SLC34A1: variants seen among roughly 807,000 people sequenced by gnomAD.
SLC34A1 encodes the protein sodium-dependent phosphate transport protein 2A.
A neutral mutation model predicts 51.4 loss-of-function variants in SLC34A1; 57 were observed. The observed-to-expected ratio is 1.11, with a 90% confidence interval of 0.90 to 1.38. The LOEUF (loss-of-function observed/expected upper bound fraction) is 1.38, where lower values mean the gene tolerates loss of function less well. SLC34A1 is among the 40% of genes most tolerant of loss of function. SLC34A1 has a pLI of 0.00. For missense variants in SLC34A1, 796 were observed against 835.6 expected, an observed-to-expected ratio of 0.95 and a Z score of 0.58; for synonymous variants, 368 against 358.0, an observed-to-expected ratio of 1.03 and a Z score of -0.32.
Position 177,393,462 on chromosome 5 carries a change from G to C in SLC34A1, c.937-232G>C, listed in dbSNP as rs113015801. On this transcript the variant is annotated intron_variant, in intron 8 of 12. Transcript: ENST00000324417. ...TGGATGTGGCCCCAGGGAGAGCTGG[G>C]CCAGTGGAGTGACAGGGCAGAACAC... Among the ~76,000 whole-genome samples the C allele has an allele frequency of 1.8e-3, 267 of 152,290 alleles. 1 individual carries two copies. Among genetic ancestry groups the C allele is most frequent in the African/African-American group, 6.3e-3 (262 of 41,544 alleles).
At chr5:177,385,918 TC>T (rs1402896337) in intron 2 of SLC34A1, 68 bp downstream of exon 2, 1 of 1,608,718 alleles carries the variant, frequency 6.2e-7, no homozygotes, top group Non-Finnish European at 8.5e-7. Context: ...TGAGGCCACT[TC>T]CCCCGCCTGT....
At position 177,385,848 on chromosome 5, in the gene SLC34A1, A is replaced by G; in HGVS notation, c.107A>G (p.Gln36Arg). 6.2e-7 allele frequency: 1 copy of G among 1,613,526 alleles called. No homozygotes were observed. The change falls in exon 2 of 13, where the codon CAG (glutamine) becomes CGG (arginine). Residue 36 changes from glutamine (Q) to arginine (R), a missense_variant and splice_region_variant. Transcript: ENST00000324417. ...GTAFAYVPSP[Q>R]VLHRIPGTSA... is the part of the protein sequence containing the mutation. ...GCCTTTGCCTACGTGCCCAGCCCTC[A>G]GGGTAAGTGCTGCTCCCACACCCTG...
At chr5:177,393,115 C>G (rs1762858216) in intron 8 of SLC34A1, among the ~76,000 whole-genome samples, 1 of 152,236 alleles carries the variant, frequency 6.6e-6, no homozygotes, top group Non-Finnish European at 1.5e-5. Context: ...GGTTACCGGC[C>G]CGGACCTGTG....
At chr5:177,397,749 G>A (rs1763017546) in intron 12 of SLC34A1, 34 bp from the exon 13 acceptor site, 1 of 1,602,326 alleles carries the variant, frequency 6.2e-7, no homozygotes, top group Non-Finnish European at 8.5e-7. Flanking sequence ...GGGAGCCAGT[G>A]CCCATCTCAG....
In SLC34A1 at chr5:177,386,592, A is replaced by G. The variant is rs755960096; in HGVS notation, c.532+26A>G. 1 of 1,613,082 alleles carries G rather than the reference A, an allele frequency of 6.2e-7. No homozygotes were observed. Among genetic ancestry groups the G allele is most frequent in the South Asian group, 1.1e-5 (1 of 91,070 alleles). ...GTGAGTTGGCCCACCAGGGTGGGGA[A>G]GAGCTTGGAGGGGCACCCCAGGAGC... is the stretch of plus-strand genomic sequence containing the variant. On this transcript the variant is annotated intron_variant, in intron 5 of 12. Transcript: ENST00000324417. The surrounding 1 kb of genome is among the most constrained non-coding windows in gnomAD (Gnocchi z 4.8).
chr5:177,386,711 A>G lies in SLC34A1; in HGVS notation c.532+145A>G, dbSNP rs544044247. ...CAGCCAGGGACATGAGAGGAGCCCA[A>G]CTGTAGCTGTATGTGACCCAGATGA... On this transcript the variant is annotated intron_variant, in intron 5 of 12. Transcript: ENST00000324417. The surrounding 1 kb of genome is among the most constrained non-coding windows in gnomAD (Gnocchi z 4.8). 2.1e-4 allele frequency: 199 copies of G among 951,362 alleles called. No individual in the cohort carries two copies. The highest frequency in any genetic ancestry group is 2.8e-4 in the Non-Finnish European group (174 of 612,576). The allele number at this position is 951,362 out of a possible 1,614,324, so 58.9% of individuals were successfully genotyped here.
chr5:177,397,796 ACTT>A lies in SLC34A1; in HGVS notation c.1438_1440del (p.Phe480del), dbSNP rs779993608. ...CATCCCCTGCAGATTGCCCTCTGTC[ACTT>A]CTTCTTCAACATCTCGGGTATCCTT... is the stretch of plus-strand genomic sequence containing the variant. On this transcript the variant is annotated inframe_deletion, in exon 13 of 13. Transcript: ENST00000324417. 29 of 1,610,434 alleles carry A rather than the reference ACTT, an allele frequency of 1.8e-5. No individual in the cohort carries two copies. Among genetic ancestry groups the A allele is most frequent in the East Asian group, 1.6e-4 (7 of 44,886 alleles).
At position 177,386,276 on chromosome 5, in the gene SLC34A1, A is replaced by C. The variant is rs758409228; in HGVS notation, c.315A>C (p.Pro105=). The C allele has an allele frequency of 6.8e-6, 11 of 1,614,104 alleles. No individual in the cohort carries two copies. The highest frequency in any genetic ancestry group is 8.5e-6 in the Non-Finnish European group (10 of 1,180,034). ...CTGGCGCCATGCTGCTCAAGGTGCC[A>C]CTGATGCTCACCTTCCTCTACCTCT... ...RQAGAMLLKV[P]LMLTFLYLFV... Residue 105 remains proline (P), a synonymous_variant, in exon 4 of 13, where the codon CCA becomes CCC. Coordinates refer to ENST00000324417, the MANE Select transcript of SLC34A1 (RefSeq NM_003052.5). This position sits in a 1 kb window ranked among gnomAD's most constrained non-coding sequence, Gnocchi z 4.8.
At chr5:177,397,370 A>C (rs1434980179) in intron 12 of SLC34A1, 1 of 502,734 alleles carries the variant, frequency 2.0e-6, no homozygotes, top group East Asian at 3.8e-5. Flanking sequence ...CAGTTTGGGG[A>C]ATCCATTGCG....
rs763524724 is a variant in SLC34A1 at position 177,396,868 on chromosome 5, G to A, written c.1291+19G>A. 6.2e-7 allele frequency: 1 copy of A among 1,614,176 alleles called. No individual in the cohort carries two copies. The highest frequency in any genetic ancestry group is 8.5e-7 in the Non-Finnish European group (1 of 1,180,016). On this transcript the variant is annotated intron_variant, in intron 11 of 12. Coordinates refer to ENST00000324417, the MANE Select transcript of SLC34A1 (RefSeq NM_003052.5). The surrounding 1 kb of genome is among the most constrained non-coding windows in gnomAD (Gnocchi z 4.0). ...CTCATCGGTGAGTGCCCATGTAGAGGTGGAGTGGGGTGGGCCAGGGCTGGC... is the reference window on the plus strand; with the variant it reads ...CTCATCGGTGAGTGCCCATGTAGAGATGGAGTGGGGTGGGCCAGGGCTGGC...
chr5:177,397,185 C>G, intron 12 of SLC34A1, 111 bp downstream of exon 12: 1 of 1,388,084 alleles, frequency 7.2e-7, no homozygotes, highest in African/African-American at 1.4e-5. Context: ...CTACTAAGGG[C>G]CACCTAATAT....
At chr5:177,392,398 G>C (rs1762836423) in intron 8 of SLC34A1, among the ~76,000 whole-genome samples, 1 of 152,150 alleles carries the variant, frequency 6.6e-6, no homozygotes, top group South Asian at 2.1e-4. Context: ...AGGAGGCGGA[G>C]GTTGCAGTGA....
In SLC34A1 at chr5:177,393,746, A is replaced by G; in HGVS notation, c.989A>G (p.Asn330Ser). ...GCCAACTCCAGCCAGACCCTTGGAA[A>G]TGCCACCATGGAGAAATGTAAGTGC... ...AEANSSQTLG[N>S]ATMEKCNHIF... is the part of the protein sequence containing the mutation. The change falls in exon 9 of 13, where the codon AAT becomes AGT. Residue 330 changes from asparagine to serine, a missense_variant. Coordinates refer to ENST00000324417, the MANE Select transcript of SLC34A1 (RefSeq NM_003052.5). 6.2e-7 allele frequency: 1 copy of G among 1,614,198 alleles called. No individual in the cohort carries two copies. The highest frequency in any genetic ancestry group is 8.5e-7 in the Non-Finnish European group (1 of 1,180,028).
rs752145985 is a variant in SLC34A1, at chr5:177,387,830, A to G, written c.601A>G (p.Ile201Val). The part of the protein sequence containing the change: ...SNIGTSVTNT[I>V]VALMQAGDRT... Reference sequence around the variant, plus strand: ...CATCGGCACCTCTGTCACCAACACCATCGTGGCCCTGATGCAGGCGGGGGA... The same window carrying G: ...CATCGGCACCTCTGTCACCAACACCGTCGTGGCCCTGATGCAGGCGGGGGA... Residue 201 changes from isoleucine (I) to valine (V), a missense_variant, in exon 6 of 13, where the codon ATC becomes GTC. By Grantham distance (29) the Ile-to-Val change is conservative. Transcript: ENST00000324417. 1.2e-6 allele frequency: 2 copies of G among 1,604,188 alleles called. No individual in the cohort carries two copies. The highest frequency in any genetic ancestry group is 2.8e-5 in the African/African-American group (2 of 72,282).
intron 8 of SLC34A1, chr5:177,389,956 T>C (rs1318737616): frequency 5.0e-6 from 7 of 1,396,460 alleles, no homozygotes; most frequent in African/African-American, 1.4e-5. Context: ...GCTTGGAGAG[T>C]AGCTGGTGGG....
Position 177,398,706 on chromosome 5 carries a change from T to C in SLC34A1, c.*420T>C. On this transcript the variant is annotated 3_prime_UTR_variant, in exon 13 of 13. Transcript: ENST00000324417. This position sits in a 1 kb window ranked among gnomAD's most constrained non-coding sequence, Gnocchi z 4.7. ...GATGTTGGTGCCTGCGTTACTGAATTTGCACACCTCCTTGCCACCTTCCTT... is the reference window on the plus strand; with the variant it reads ...GATGTTGGTGCCTGCGTTACTGAATCTGCACACCTCCTTGCCACCTTCCTT... 1 of 217,232 alleles carries C rather than the reference T, an allele frequency of 4.6e-6. No homozygotes were observed. The highest frequency in any genetic ancestry group is 9.4e-6 in the Non-Finnish European group (1 of 106,000). 13.5% of individuals were successfully genotyped at this position (217,232 alleles called of 1,614,324 possible). A position where few individuals can be genotyped will look rare whatever the true frequency, so the allele number is the denominator to read the frequency against.
intron 10 of SLC34A1, among the ~76,000 whole-genome samples, chr5:177,395,367 A>G (rs895675359): frequency 7.9e-5 from 12 of 152,116 alleles, no homozygotes; most frequent in Non-Finnish European, 1.5e-5. Flanking sequence ...AGTAGCCACG[A>G]TGCGGATGAA....
At chr5:177,393,239 G>C (rs1762861688) in intron 8 of SLC34A1, among the ~76,000 whole-genome samples, 1 of 152,188 alleles carries the variant, frequency 6.6e-6, no homozygotes, top group Admixed American at 6.5e-5. Flanking sequence ...TGAGGATAAG[G>C]AATTGATCTA....
At chr5:177,397,116 G>A (rs531572155) in intron 12 of SLC34A1, 42 bp downstream of exon 12, 3 of 1,603,350 alleles carry the variant, frequency 1.9e-6, no homozygotes, top group Non-Finnish European at 2.6e-6. Context: ...GGATGGAGCT[G>A]CCTCTGGGGT....
Sources: allele counts gnomAD v4.1 joint callset (sites outside exome capture counted in the v4.1 genomes callset), GRCh38; gene constraint gnomAD v4.1.1; non-coding constraint Gnocchi (gnomAD v3.1); transcripts MANE v1.5; gene names NCBI Gene and HGNC (gene_info 2026-07-23, HGNC 2026-07-21).